LRP5: variants seen among roughly 807,000 people sequenced by gnomAD.
LRP5 encodes the protein low-density lipoprotein receptor-related protein 5.
Under a neutral mutation model 154.1 loss-of-function variants are expected in LRP5, and 62 were observed. The ratio of observed to expected loss-of-function variants is 0.40; its 90% confidence interval spans 0.33 to 0.50. The LOEUF is 0.50. Ranked by LOEUF, LRP5 falls within the 20% of genes least tolerant of loss-of-function variation. LRP5 has a pLI of 0.55. For missense variants in LRP5, 1,915 were observed against 2,336.7 expected (o/e 0.82, Z 3.72); for synonymous variants, 966 against 1,011.5 (o/e 0.96, Z 0.85).
intron 7 of LRP5, among the ~76,000 whole-genome samples, chr11:68,397,390 G>A (rs985220225): frequency 2.0e-5 from 3 of 152,124 alleles, no homozygotes; most frequent in Non-Finnish European, 2.9e-5. Context: ...CCCGCTGGCC[G>A]TGCCCTCATG....
Position 68,312,668 on chromosome 11 carries a change from T to A in LRP5, c.-47T>A. The stretch of plus-strand genomic sequence containing the variant: ...GCGAGGAGCCGCCGCCGCCGCGCCA[T>A]GGAGCCCGAGTGAGCGCGGCGCGGG... On this transcript the variant is annotated 5_prime_UTR_variant, in exon 1 of 23. An upstream start codon of the reference 5' UTR is lost. Transcript: ENST00000294304. The A allele has an allele frequency of 5.7e-6, 5 of 872,906 alleles. No individual in the cohort carries two copies. The highest frequency in any genetic ancestry group is 6.9e-6 in the Non-Finnish European group (5 of 727,400). 54.1% of individuals were successfully genotyped at this position (872,906 alleles called of 1,614,324 possible). A position where few individuals can be genotyped will look rare whatever the true frequency, so the allele number is the denominator to read the frequency against.
chr11:68,417,331 C>G (rs973123388), intron 13 of LRP5, among the ~76,000 whole-genome samples: 5 of 151,438 alleles, frequency 3.3e-5, no homozygotes, highest in African/African-American at 1.2e-4. Context: ...AGTTCCCTGC[C>G]GGCTGTAGTT....
chr11:68,325,628 G>C (rs556569796), intron 1 of LRP5, among the ~76,000 whole-genome samples: 16 of 152,328 alleles, frequency 1.1e-4, no homozygotes, highest in African/African-American at 3.1e-4. Flanking sequence ...AGTCACTGAG[G>C]GGGCAGTAGC....
upstream of LRP5, among the ~76,000 whole-genome samples, chr11:68,311,765 C>T (rs1397626533): frequency 1.3e-5 from 2 of 152,122 alleles, no homozygotes; most frequent in Non-Finnish European, 2.9e-5. Flanking sequence ...AAAGAGTGCG[C>T]GGAGAGGTTC....
intron 13 of LRP5, among the ~76,000 whole-genome samples, chr11:68,421,724 G>A (rs11825270): frequency 1.3e-4 from 15 of 115,334 alleles, no homozygotes; most frequent in Admixed American, 4.7e-4. Flanking sequence ...GTGTGTGTGT[G>A]GTGTGTGTGT....
intron 2 of LRP5, among the ~76,000 whole-genome samples, chr11:68,356,153 T>C (rs1591217344): frequency 6.6e-6 from 1 of 151,214 alleles, no homozygotes; most frequent in Non-Finnish European, 1.5e-5. Context: ...CTTTTTTTTT[T>C]TTTTTTTAGG....
At chr11:68,345,441 C>G (rs561775162) in intron 1 of LRP5, among the ~76,000 whole-genome samples, 1 of 152,182 alleles carries the variant, frequency 6.6e-6, no homozygotes, top group Non-Finnish European at 1.5e-5. Context: ...GTGCCCGTCA[C>G]TACGCCCAGC....
intron 6 of LRP5, among the ~76,000 whole-genome samples, chr11:68,388,805 T>C (rs57197891): frequency 0.36 from 55,061 of 152,044 alleles, 10,848 homozygotes; most frequent in African/African-American, 0.49. Flanking sequence ...AGGGCTGGTG[T>C]GGTGAAACCC....
chr11:68,299,519 C>A, the LRP5 span, among the ~76,000 whole-genome samples: 1 of 148,470 alleles, frequency 6.7e-6, no homozygotes, highest in South Asian at 2.1e-4. Flanking sequence ...GGGTGGAGTG[C>A]TCAGTGTAGA....
chr11:68,378,117 G>A (rs1472508814), intron 5 of LRP5, among the ~76,000 whole-genome samples: 2 of 152,124 alleles, frequency 1.3e-5, no homozygotes, highest in Admixed American at 1.3e-4. Context: ...GGATGGAGGT[G>A]TCCGGGGCTG....
intron 10 of LRP5, 106 bp downstream of exon 10, chr11:68,410,246 T>C (rs2098658682): frequency 1.1e-6 from 1 of 876,054 alleles, no homozygotes. Flanking sequence ...CCTCGGTGAT[T>C]AGAGCTGTAC....
At position 68,423,507 on chromosome 11, in the gene LRP5, C is replaced by G; in HGVS notation, c.3046C>G (p.Leu1016Val). The G allele has an allele frequency of 1.2e-6, 2 of 1,614,190 alleles. No individual in the cohort carries two copies. Among genetic ancestry groups the G allele is most frequent in the Admixed American group, 1.7e-5 (1 of 60,026 alleles). ...DGTQPFVLTS[L>V]SQGQNPDRQP... Reference sequence around the variant, plus strand: ...CTTACAGCCCTTTGTTTTGACCTCTCTGAGCCAAGGCCAAAACCCAGACAG... The same window carrying G: ...CTTACAGCCCTTTGTTTTGACCTCTGTGAGCCAAGGCCAAAACCCAGACAG... Residue 1016 changes from leucine to valine, a missense_variant, in exon 14 of 23, where the codon CTG (leucine) becomes GTG (valine). Leu to Val is a conservative substitution (Grantham distance 32). Coordinates refer to ENST00000294304, the MANE Select transcript of LRP5 (RefSeq NM_002335.4). This position sits in a 1 kb window ranked among gnomAD's most constrained non-coding sequence, Gnocchi z 4.7.
At chr11:68,404,049 C>A in intron 8 of LRP5, 1 of 447,420 alleles carries the variant, frequency 2.2e-6, no homozygotes, top group Middle Eastern at 6.5e-4. Context: ...GACGCAGAGC[C>A]GTGCAACTCA....
rs756752524 is a variant in LRP5 at position 68,363,846 on chromosome 11, C to T, written c.786C>T (p.Ala262=). 6.2e-7 allele frequency: 1 copy of T among 1,613,258 alleles called. No individual in the cohort carries two copies. The highest frequency in any genetic ancestry group is 1.1e-5 in the South Asian group (1 of 91,052). ...ACTGGCAGACCCGCTCCATCCATGC[C>T]TGCAACAAGCGCACTGGGGGGAAGA... ...WTDWQTRSIH[A]CNKRTGGKRK... Residue 262 remains alanine (A), a synonymous_variant, in exon 4 of 23, where the codon GCC becomes GCT. Transcript: ENST00000294304.
chr11:68,395,286 G>C (rs2098648621), intron 7 of LRP5, among the ~76,000 whole-genome samples: 1 of 143,474 alleles, frequency 7.0e-6, no homozygotes, highest in African/African-American at 2.6e-5. Context: ...GGGCCACAGA[G>C]TGAGACTCCA....
intron 1 of LRP5, among the ~76,000 whole-genome samples, chr11:68,332,697 C>T (rs780935570): frequency 1.3e-4 from 20 of 152,074 alleles, no homozygotes; most frequent in Non-Finnish European, 2.6e-4. Context: ...TACTCTGGTG[C>T]GGTGGGATTC....
chr11:68,358,305 G>A (rs1390348888), intron 3 of LRP5, among the ~76,000 whole-genome samples: 6 of 152,138 alleles, frequency 3.9e-5, no homozygotes, highest in East Asian at 1.9e-4. Flanking sequence ...TGGTAGAGAC[G>A]GGGTCTCACA....
chr11:68,421,937 T>C (rs1395475433), intron 13 of LRP5, among the ~76,000 whole-genome samples: 2 of 151,996 alleles, frequency 1.3e-5, no homozygotes, highest in East Asian at 3.9e-4. Flanking sequence ...GTTTTATTTG[T>C]ATTTTTTTGA....
At chr11:68,376,758 GCA>G (rs1275435221) in intron 5 of LRP5, among the ~76,000 whole-genome samples, 2 of 152,258 alleles carry the variant, frequency 1.3e-5, no homozygotes, top group African/African-American at 4.8e-5. Flanking sequence ...GTTCAGAAAG[GCA>G]CCCTGTGCTG....
Sources: allele counts gnomAD v4.1 joint callset (sites outside exome capture counted in the v4.1 genomes callset), GRCh38; gene constraint gnomAD v4.1.1; non-coding constraint Gnocchi (gnomAD v3.1); transcripts MANE v1.5; gene names NCBI Gene and HGNC (gene_info 2026-07-23, HGNC 2026-07-21).